Variants in ABR observed in about 807,000 individuals in gnomAD.
The protein encoded by ABR is active breakpoint cluster region-related protein.
Under a neutral mutation model 107.2 loss-of-function variants are expected in ABR, and 35 were observed. The observed-to-expected ratio is 0.33, with a 90% confidence interval of 0.25 to 0.43. ABR has a LOEUF of 0.43. ABR is among the 20% of genes least tolerant of loss of function. ABR has a pLI of 1.00. For missense variants in ABR, 815 were observed against 1,115.2 expected (o/e 0.73, Z 3.83); for synonymous variants, 498 against 462.0 (o/e 1.08, Z -1.00).
At chr17:1,184,236 A>G (rs2042223057), upstream of ABR, among the ~76,000 whole-genome samples, 1 of 151,838 alleles carries the variant, frequency 6.6e-6, no homozygotes, top group African/African-American at 2.4e-5. Context: ...TGGGTGGATC[A>G]CGAAGTCAGG....
chr17:1,160,385 A>T (rs1567842991), intron 1 of ABR, among the ~76,000 whole-genome samples: 1 of 152,118 alleles, frequency 6.6e-6, no homozygotes, highest in Non-Finnish European at 1.5e-5. Context: ...TCAGCTCTGC[A>T]ACTGTACAGT....
At chr17:1,183,033 C>T (rs752958906), upstream of ABR, among the ~76,000 whole-genome samples, 19 of 152,134 alleles carry the variant, frequency 1.2e-4, no homozygotes, top group Non-Finnish European at 5.9e-5. Context: ...CAACGTCACG[C>T]GCTGGGAAGG....
chr17:1,093,504 T>C (rs1427967120), intron 3 of ABR, among the ~76,000 whole-genome samples: 2 of 152,238 alleles, frequency 1.3e-5, no homozygotes, highest in Middle Eastern at 6.8e-3. Flanking sequence ...TAATCTACGT[T>C]GCTCTGCAGA....
chr17:1,080,100 A>G (rs570321176), intron 5 of ABR, among the ~76,000 whole-genome samples: 1 of 152,078 alleles, frequency 6.6e-6, no homozygotes, highest in Non-Finnish European at 1.5e-5. Context: ...TGAGGAACCC[A>G]TGAGGTAGGA....
At chr17:1,122,525 C>T (rs772584626) in intron 2 of ABR, among the ~76,000 whole-genome samples, 1 of 152,204 alleles carries the variant, frequency 6.6e-6, no homozygotes, top group South Asian at 2.1e-4. Flanking sequence ...GGATGTTGGC[C>T]TCCTCCAGCC....
At chr17:1,029,828 C>T (rs1462659255) in intron 16 of ABR, among the ~76,000 whole-genome samples, 1 of 96,616 alleles carries the variant, frequency 1.0e-5, no homozygotes, top group Non-Finnish European at 2.4e-5. Flanking sequence ...GTCCACGACA[C>T]GGACACACTG....
At position 1,010,080 on chromosome 17, in the gene ABR, C is replaced by T; in HGVS notation, c.2237-296G>A. 1.9e-6 allele frequency: 1 copy of T among 518,866 alleles called. No homozygotes were observed. The highest frequency in any genetic ancestry group is 3.5e-6 in the Non-Finnish European group (1 of 285,796). The allele number at this position is 518,866 out of a possible 1,614,324, so 32.1% of individuals were successfully genotyped here. On this transcript the variant is annotated intron_variant, in intron 20 of 22. Transcript: ENST00000302538. The surrounding 1 kb of genome is among the most constrained non-coding windows in gnomAD (Gnocchi z 4.1). ...GGGCATCCCCTGTCTCGTAACAGGA[C>T]ACCCCCTGGTCTGTGTGGCTAAGGT...
rs772005015 is a variant in ABR, at chr17:1,167,317, GAGCACTT to G, written c.61+12343_61+12349del. Among the ~76,000 whole-genome samples, 1,016 of 152,108 alleles carry G rather than the reference GAGCACTT, an allele frequency of 6.7e-3. 4 individuals are homozygous for G. Among genetic ancestry groups the G allele is most frequent in the Non-Finnish European group, 0.012 (794 of 67,988 alleles). On this transcript the variant is annotated intron_variant, in intron 1 of 22. Transcript: ENST00000302538. ...CTGGATCCAGACACCCAGAGCCCTA[GAGCACTT>G]CGTCTCTTCATAGCCACCCCCAACT...
chr17:1,161,641 G>A (rs552570283), intron 1 of ABR, among the ~76,000 whole-genome samples: 9 of 148,742 alleles, frequency 6.1e-5, no homozygotes, highest in South Asian at 2.1e-4. Context: ...TGCAATCTCC[G>A]CCTCCAGGGT....
chr17:1,105,792 G>A (rs1001151052), intron 2 of ABR, among the ~76,000 whole-genome samples: 3 of 152,140 alleles, frequency 2.0e-5, no homozygotes, highest in Admixed American at 1.3e-4. Flanking sequence ...ATTGAGTCTG[G>A]GAGGTGGAGG....
chr17:1,097,908 G>A (rs1405988803), intron 3 of ABR, among the ~76,000 whole-genome samples: 2 of 152,244 alleles, frequency 1.3e-5, no homozygotes, highest in East Asian at 3.9e-4. Context: ...ACTAACAGTT[G>A]AGTGTCTTAA....
At chr17:1,219,057 G>GTTTT (rs1207213682) in intron 1 of ABR, among the ~76,000 whole-genome samples, 1 of 150,170 alleles carries the variant, frequency 6.7e-6, no homozygotes, top group Admixed American at 6.7e-5. Context: ...TTGTTTGTTT[G>GTTTT]TTTGTAACAG....
At chr17:1,206,223 A>G (rs1314531962) in intron 1 of ABR, among the ~76,000 whole-genome samples, 1 of 152,222 alleles carries the variant, frequency 6.6e-6, no homozygotes, top group African/African-American at 2.4e-5. Flanking sequence ...CTGACGTCAC[A>G]TCACTGTGAT....
At position 1,067,109 on chromosome 17, in the gene ABR, T is replaced by C; in HGVS notation, c.1150A>G (p.Ile384Val). 3 of 1,613,774 alleles carry C rather than the reference T, an allele frequency of 1.9e-6. No individual in the cohort carries two copies. The highest frequency in any genetic ancestry group is 2.5e-6 in the Non-Finnish European group (3 of 1,179,930). ...DHELEDMKMKISALKSEIQKE... is the reference protein window; with the variant it reads ...DHELEDMKMKVSALKSEIQKE... ...TGGATTTCACTCTTGAGGGCAGAGA[T>C]CTTCATCTTCATGTCCTCCAGCTCA... is the stretch of plus-strand genomic sequence containing the variant. Residue 384 changes from isoleucine (I) to valine (V), a missense_variant, in exon 10 of 23, where the codon ATC (isoleucine) becomes GTC (valine). By Grantham distance (29) the Ile-to-Val change is conservative (BLOSUM62 3). Around this residue, in one of 5 missense-constraint regions of ABR, gnomAD observed 385 missense variants for 596.9 expected, o/e 0.64. Transcript: ENST00000302538.
At chr17:1,116,952 A>C (rs2151420956) in intron 2 of ABR, among the ~76,000 whole-genome samples, 1 of 152,298 alleles carries the variant, frequency 6.6e-6, no homozygotes, top group South Asian at 2.1e-4. Context: ...CGGAGCAGTC[A>C]GGAGGGAGTG....
At chr17:1,185,930 G>C (rs1331462928) in intron 1 of ABR, among the ~76,000 whole-genome samples, 1 of 151,400 alleles carries the variant, frequency 6.6e-6, no homozygotes, top group Non-Finnish European at 1.5e-5. Flanking sequence ...CTGCCTCCTG[G>C]GTTCAAGCGA....
Position 1,070,149 on chromosome 17 carries a change from C to T in ABR, c.895-59G>A. ...GAGGGGAATGCGGCCGAGGGCAGAG[C>T]CTGCACACGGGGGCACGGCCAGCCA... On this transcript the variant is annotated intron_variant, in intron 8 of 22. Coordinates refer to ENST00000302538, the MANE Select transcript of ABR (RefSeq NM_021962.5). This position sits in a 1 kb window ranked among gnomAD's most constrained non-coding sequence, Gnocchi z 4.2. 1 of 1,604,058 alleles carries T rather than the reference C, an allele frequency of 6.2e-7. No individual in the cohort carries two copies. Among genetic ancestry groups the T allele is most frequent in the Non-Finnish European group, 8.5e-7 (1 of 1,175,062 alleles).
At position 1,012,813 on chromosome 17, in the gene ABR, G is replaced by C. The variant is rs201373143; in HGVS notation, c.1852-16C>G. On this transcript the variant is annotated splice_polypyrimidine_tract_variant and intron_variant, in intron 17 of 22. Transcript: ENST00000302538. ...CCACTTTGATCTGGTTGGGGGGTGA[G>C]GCAGGTAAAGATTCCCCAGGGTGTG... The C allele has an allele frequency of 6.4e-7, 1 of 1,555,710 alleles. No individual in the cohort carries two copies. The highest frequency in any genetic ancestry group is 1.4e-5 in the African/African-American group (1 of 73,788).
intron 1 of ABR, among the ~76,000 whole-genome samples, chr17:1,218,076 A>T (rs534011684): frequency 5.3e-5 from 8 of 152,132 alleles, no homozygotes; most frequent in Non-Finnish European, 1.2e-4. Flanking sequence ...GTAATCCGCT[A>T]CCTCGGACAG....
Sources: allele counts gnomAD v4.1 joint callset (sites outside exome capture counted in the v4.1 genomes callset), GRCh38; gene constraint gnomAD v4.1.1; regional missense constraint gnomAD v4.1.1; non-coding constraint Gnocchi (gnomAD v3.1); transcripts MANE v1.5; gene names NCBI Gene and HGNC (gene_info 2026-07-23, HGNC 2026-07-21).